SCO2: variants seen among roughly 807,000 people sequenced by gnomAD.
The protein encoded by SCO2 is cytochrome c oxidase assembly factor SCO2.
For synonymous variants in SCO2, 195 were observed against 148.6 expected (o/e 1.31, Z -2.27); for missense variants, 429 against 348.7 (o/e 1.23, Z -1.83).
chr22:50,526,404 A>C (rs1251044974), upstream of SCO2: 2 of 1,517,074 alleles, frequency 1.3e-6, no homozygotes, highest in South Asian at 2.4e-5. Context: ...GCCGTCGTCC[A>C]GCGCCGCGGC....
Position 50,524,276 on chromosome 22 carries a change from T to A in SCO2, c.136A>T (p.Thr46Ser). 6 of 1,603,776 alleles carry A rather than the reference T, an allele frequency of 3.7e-6. No homozygotes were observed. Among genetic ancestry groups the A allele is most frequent in the Non-Finnish European group, 5.1e-6 (6 of 1,179,730 alleles). Residue 46 changes from threonine (T) to serine (S), a missense_variant, in exon 2 of 2, where the codon ACA (threonine) becomes TCA (serine). Transcript: ENST00000395693. Reference sequence around the variant, plus strand: ...CCCTGGGGCTGGCCCTGCCCACCTGTCTCTGCAGGGCCCTGCCTTGACAAA... The same window carrying A: ...CCCTGGGGCTGGCCCTGCCCACCTGACTCTGCAGGGCCCTGCCTTGACAAA... ...WLLSRQGPAE[T>S]GGQGQPQGPG...
chr22:50,525,699 C>T (rs893812825), upstream of SCO2: 12 of 1,562,450 alleles, frequency 7.7e-6, no homozygotes, highest in East Asian at 7.2e-5. Flanking sequence ...ATCGAGACGG[C>T]CCCCGCCTCC....
Position 50,523,660 on chromosome 22 carries a change from G to A in SCO2, c.752C>T (p.Ser251Leu), listed in dbSNP as rs768228804. The change falls in exon 2 of 2, where the codon TCA (serine) becomes TTA (leucine). Residue 251 changes from serine to leucine, a missense_variant. Transcript: ENST00000395693. ...YGRSRSAEQI[S>L]DSVRRHMAAF... The stretch of plus-strand genomic sequence containing the variant: ...CGCCATGTGCCGCCGCACACTGTCT[G>A]AGATCTGCTCAGCCGATCTGCTCCG... The A allele has an allele frequency of 3.8e-5, 62 of 1,614,040 alleles. No homozygotes were observed. In the East Asian group the frequency reaches 1.1e-3, roughly 28 times the overall value.
intron 1 of SCO2, among the ~76,000 whole-genome samples, chr22:50,525,093 CAGA>C (rs564735686): frequency 1.9e-4 from 29 of 152,314 alleles, no homozygotes; most frequent in African/African-American, 6.5e-4. Context: ...CGGGCCCCCG[CAGA>C]AGGTTTGCTA....
In SCO2 at chr22:50,524,210, C is replaced by T. The variant is rs1007416904; in HGVS notation, c.202G>A (p.Gly68Arg). The change falls in exon 2 of 2, where the codon GGG (glycine) becomes AGG (arginine). Residue 68 changes from glycine to arginine, a missense_variant. Physicochemically the swap from Gly to Arg is moderately radical, Grantham distance 125. Coordinates refer to ENST00000395693, the MANE Select transcript of SCO2 (RefSeq NM_005138.3). ...AGCCAGGCCCCACCGAGTCCAGCCC[C>T]GAACAGGCCTGTGATCAGCAGCCGG... ...RTRLLITGLFGAGLGGAWLAL... is the reference protein window; with the variant it reads ...RTRLLITGLFRAGLGGAWLAL... 24 of 1,608,422 alleles carry T rather than the reference C, an allele frequency of 1.5e-5. No individual in the cohort carries two copies. The Middle Eastern group carries it at 5.0e-4, about 33-fold the overall frequency.
chr22:50,526,087 C>A, upstream of SCO2: 1 of 1,486,458 alleles, frequency 6.7e-7, no homozygotes. Context: ...GCGCCCGGCC[C>A]CGAGCTCGTG....
rs1164267652 is a variant in SCO2, at chr22:50,525,586, G to C, written c.-128C>G. 1.1e-6 allele frequency: 1 copy of C among 897,672 alleles called. No individual in the cohort carries two copies. Among genetic ancestry groups the C allele is most frequent in the African/African-American group, 1.7e-5 (1 of 57,366 alleles). 55.6% of individuals were successfully genotyped at this position (897,672 alleles called of 1,614,324 possible). Reference sequence around the variant, plus strand: ...AGCGGGCGCCACACGCTCACAGGCAGGGCGCAGGCGTCCCCGGAGCTGCGC... The same window carrying C: ...AGCGGGCGCCACACGCTCACAGGCACGGCGCAGGCGTCCCCGGAGCTGCGC... On this transcript the variant is annotated 5_prime_UTR_variant, in exon 1 of 2. Transcript: ENST00000395693.
At chr22:50,525,969 T>TGCGGGGCCAGCAGGGCGGGG, upstream of SCO2, 2 of 1,372,786 alleles carry the variant, frequency 1.5e-6, no homozygotes, top group Non-Finnish European at 1.9e-6. Context: ...TGGGCGGGGG[T>TGCGGGGCCAGCAGGGCGGGG]GCGGGGCCAG....
Position 50,523,698 on chromosome 22 carries a change from C to G in SCO2, c.714G>C (p.Thr238=). 1 of 1,614,180 alleles carries G rather than the reference C, an allele frequency of 6.2e-7. No individual in the cohort carries two copies. Residue 238 remains threonine, a synonymous_variant, in exon 2 of 2, where the codon ACG becomes ACC. Transcript: ENST00000395693. ...IYLLNPDGLF[T]DYYGRSRSAE... is the part of the protein sequence containing the mutation. ...CCGATCTGCTCCGGCCGTAGTAATC[C>G]GTGAAGAGGCCGTCAGGGTTGAGCA...
At chr22:50,526,075 C>G, upstream of SCO2, 1 of 1,484,128 alleles carries the variant, frequency 6.7e-7, no homozygotes, top group South Asian at 1.3e-5. Flanking sequence ...CCCAGCGCGG[C>G]TGCGCCCGGC....
Position 50,524,253 on chromosome 22 carries a change from C to A in SCO2, c.159G>T (p.Gln53His), listed in dbSNP as rs544087266. ...PAETGGQGQPQGPGLRTRLLI... is the reference protein window; with the variant it reads ...PAETGGQGQPHGPGLRTRLLI... Reference sequence around the variant, plus strand: ...GCAGCCGGGTTCGAAGCCCAGGGCCCTGGGGCTGGCCCTGCCCACCTGTCT... The same window carrying A: ...GCAGCCGGGTTCGAAGCCCAGGGCCATGGGGCTGGCCCTGCCCACCTGTCT... Residue 53 changes from glutamine (Q) to histidine (H), a missense_variant, in exon 2 of 2, where the codon CAG (glutamine) becomes CAT (histidine). Physicochemically the swap from Gln to His is conservative, Grantham distance 24 (BLOSUM62 0). Transcript: ENST00000395693. 1 of 1,605,518 alleles carries A rather than the reference C, an allele frequency of 6.2e-7. No individual in the cohort carries two copies. Among genetic ancestry groups the A allele is most frequent in the Non-Finnish European group, 8.5e-7 (1 of 1,179,836 alleles).
upstream of SCO2, chr22:50,526,231 TC>T (rs776542745): frequency 2.0e-6 from 3 of 1,522,510 alleles, no homozygotes; most frequent in Middle Eastern, 1.8e-4. Context: ...GGACGGGGAC[TC>T]CCCCGACGCT....
At chr22:50,524,810 G>A (rs1385841205) in intron 1 of SCO2, 3 of 383,830 alleles carry the variant, frequency 7.8e-6, no homozygotes, top group Non-Finnish European at 1.6e-5. Context: ...TGCAATCCCC[G>A]AGAGCAACCG....
chr22:50,526,083 G>C, upstream of SCO2: 3 of 1,484,176 alleles, frequency 2.0e-6, no homozygotes, highest in South Asian at 2.5e-5. Flanking sequence ...GGCTGCGCCC[G>C]GCCCCGAGCT....
rs538525811 is a variant in SCO2 at position 50,524,931 on chromosome 22, C to G, written c.-13-507G>C. 5.9e-5 allele frequency among the ~76,000 whole-genome samples: 9 copies of G among 152,108 alleles called. No individual in the cohort carries two copies. In the East Asian group the frequency reaches 1.7e-3, roughly 30 times the overall value. On this transcript the variant is annotated intron_variant, in intron 1 of 1. Coordinates refer to ENST00000395693, the MANE Select transcript of SCO2 (RefSeq NM_005138.3). ...CTACCCCCGGAGCTCAGACTCTGCC[C>G]GCCGGCTGTGTTTAACCTCTCCTGG...
chr22:50,526,356 T>G, upstream of SCO2: 1 of 1,549,264 alleles, frequency 6.5e-7, no homozygotes, highest in Non-Finnish European at 8.6e-7. Flanking sequence ...ATCCACGCCC[T>G]GCGCCGCCAG....
At position 50,523,770 on chromosome 22, in the gene SCO2, C is replaced by T; in HGVS notation, c.642G>A (p.Lys214=). The T allele has an allele frequency of 6.2e-7, 1 of 1,614,164 alleles. No individual in the cohort carries two copies. The highest frequency in any genetic ancestry group is 1.1e-5 in the South Asian group (1 of 91,086). ...CCACGATGTAGTCCTGGTCCTCATC[C>T]TTGGGGCCTGCATTGTAGTACACGC... ...SYRVYYNAGP[K]DEDQDYIVDH... is the part of the protein sequence containing the mutation. The change falls in exon 2 of 2, where the codon AAG becomes AAA. Residue 214 remains lysine (K), a synonymous_variant. Coordinates refer to ENST00000395693, the MANE Select transcript of SCO2 (RefSeq NM_005138.3).
chr22:50,525,705 C>T (rs1027310950), upstream of SCO2: 3 of 1,570,538 alleles, frequency 1.9e-6, no homozygotes, highest in East Asian at 2.4e-5. Flanking sequence ...ACGGCCCCCG[C>T]CTCCGCAGCC....
At chr22:50,526,341 C>T (rs1268413772), upstream of SCO2, 5 of 1,559,056 alleles carry the variant, frequency 3.2e-6, no homozygotes, top group South Asian at 1.2e-5. Flanking sequence ...TCGGGCCAGA[C>T]CGGGATCCAC....
Sources: gnomAD v4.1 joint callset for allele counts (sites outside exome capture counted in the v4.1 genomes callset) on GRCh38, gnomAD v4.1.1 for gene constraint, MANE v1.5 for transcripts, NCBI Gene and HGNC (gene_info 2026-07-23, HGNC 2026-07-21) for gene names.